Variants in TUSC3 observed in about 807,000 individuals in gnomAD.
TUSC3 encodes dolichyl-diphosphooligosaccharide--protein glycosyltransferase subunit TUSC3.
Under a neutral mutation model 44.8 loss-of-function variants are expected in TUSC3, and 45 were observed. The ratio of observed to expected loss-of-function variants is 1.00; its 90% confidence interval spans 0.79 to 1.29. The LOEUF (loss-of-function observed/expected upper bound fraction) is 1.29. Among genes scored for constraint, TUSC3 ranks in the 50% most tolerant of loss-of-function variants. TUSC3 has a pLI of 0.00. For synonymous variants in TUSC3, 212 were observed against 152.9 expected, an observed-to-expected ratio of 1.39 and a Z score of -2.85; for missense variants, 519 against 437.9, an observed-to-expected ratio of 1.19 and a Z score of -1.65.
intron 2 of TUSC3, among the ~76,000 whole-genome samples, chr8:15,650,173 A>T (rs893673858): frequency 5.3e-5 from 8 of 152,222 alleles, no homozygotes; most frequent in Non-Finnish European, 1.2e-4. Context: ...GCATTTTGAG[A>T]TAAATGGAAT....
At chr8:15,697,393 C>A (rs1183380893) in intron 6 of TUSC3, among the ~76,000 whole-genome samples, 1 of 152,168 alleles carries the variant, frequency 6.6e-6, no homozygotes, top group African/African-American at 2.4e-5. Flanking sequence ...TATGCTCATT[C>A]AGACTTTTTG....
At chr8:15,424,282 G>T (rs965937090) in intron 1 of TUSC3, among the ~76,000 whole-genome samples, 1 of 151,840 alleles carries the variant, frequency 6.6e-6, no homozygotes, top group Admixed American at 6.6e-5. Context: ...CAGAGAAGGT[G>T]GTCCCTGGCT....
chr8:15,495,664 C>G, intron 2 of TUSC3, among the ~76,000 whole-genome samples: 1 of 152,140 alleles, frequency 6.6e-6, no homozygotes, highest in East Asian at 1.9e-4. Context: ...AGTATGGGAG[C>G]CTCCACCAAG....
At chr8:15,431,243 A>C (rs1799868977) in intron 1 of TUSC3, among the ~76,000 whole-genome samples, 2 of 151,492 alleles carry the variant, frequency 1.3e-5, no homozygotes, top group Admixed American at 6.6e-5. Context: ...AGTCATTAGA[A>C]TTTGATAGGG....
At chr8:15,726,259 A>G (rs1810490308) in intron 6 of TUSC3, among the ~76,000 whole-genome samples, 1 of 152,272 alleles carries the variant, frequency 6.6e-6, no homozygotes, top group African/African-American at 2.4e-5. Context: ...ATTGCCATAT[A>G]AGAGGTATAG....
chr8:15,731,174 C>T (rs1385736775), intron 7 of TUSC3, among the ~76,000 whole-genome samples: 12 of 151,976 alleles, frequency 7.9e-5, no homozygotes, highest in Admixed American at 7.9e-4. Context: ...TGGAACATAT[C>T]AGAGTGAGTC....
intron 1 of TUSC3, among the ~76,000 whole-genome samples, chr8:15,549,912 G>A (rs1409730170): frequency 6.6e-6 from 1 of 151,620 alleles, no homozygotes; most frequent in East Asian, 2.0e-4. Flanking sequence ...ATTCAGCTGG[G>A]AGCATCAGCA....
chr8:15,552,909 T>C (rs1341569889), intron 1 of TUSC3, among the ~76,000 whole-genome samples: 1 of 151,660 alleles, frequency 6.6e-6, no homozygotes, highest in Non-Finnish European at 1.5e-5. Context: ...TAATGATGAC[T>C]TGAAATTAGT....
chr8:15,657,560 C>G (rs1346278064), intron 3 of TUSC3, among the ~76,000 whole-genome samples: 1 of 152,178 alleles, frequency 6.6e-6, no homozygotes, highest in Non-Finnish European at 1.5e-5. Flanking sequence ...TACCAGCATT[C>G]TGATCATAAC....
At chr8:15,641,617 ACCT>A (rs1806375033) in intron 2 of TUSC3, among the ~76,000 whole-genome samples, 1 of 152,186 alleles carries the variant, frequency 6.6e-6, no homozygotes. Context: ...CATGTTTTTA[ACCT>A]CATGACAACT....
the TUSC3 span, among the ~76,000 whole-genome samples, chr8:15,832,952 C>G: frequency 3.3e-5 from 5 of 152,076 alleles, no homozygotes; most frequent in Admixed American, 3.3e-4. Context: ...TCTACAAACT[C>G]TCCATTCAAA....
chr8:15,434,936 T>C (rs1799926885), intron 1 of TUSC3, among the ~76,000 whole-genome samples: 3 of 151,138 alleles, frequency 2.0e-5, no homozygotes, highest in South Asian at 4.2e-4. Context: ...AGTCTATCAT[T>C]GTTGAACATT....
chr8:15,690,418 A>C (rs2129189674), intron 6 of TUSC3, among the ~76,000 whole-genome samples: 1 of 151,826 alleles, frequency 6.6e-6, no homozygotes, highest in East Asian at 1.9e-4. Flanking sequence ...TCAAATGTAT[A>C]ATTTGCAGCC....
At chr8:15,692,489 G>C (rs1311170859) in intron 6 of TUSC3, among the ~76,000 whole-genome samples, 1 of 142,720 alleles carries the variant, frequency 7.0e-6, no homozygotes, top group East Asian at 2.2e-4. Context: ...GCTTTTTCTT[G>C]TTGTTAGGCT....
intron 6 of TUSC3, among the ~76,000 whole-genome samples, chr8:15,690,019 G>T (rs546977663): frequency 1.3e-5 from 2 of 151,918 alleles, no homozygotes; most frequent in African/African-American, 4.8e-5. Context: ...ATTTTTTGGG[G>T]TGTATACACA....
the TUSC3 span, among the ~76,000 whole-genome samples, chr8:15,813,385 C>CAAAAAA: frequency 1.4e-4 from 4 of 28,480 alleles, no homozygotes; most frequent in Admixed American, 2.9e-4. Context: ...AACAAACAAA[C>CAAAAAA]AAACAAAAAA....
intron 6 of TUSC3, among the ~76,000 whole-genome samples, chr8:15,690,764 C>A (rs1035949417): frequency 2.6e-5 from 4 of 151,998 alleles, no homozygotes; most frequent in Admixed American, 2.6e-4. Context: ...GGAATCCTTT[C>A]CCCATTGTTT....
intron 2 of TUSC3, among the ~76,000 whole-genome samples, chr8:15,526,010 T>C (rs954537469): frequency 6.6e-5 from 10 of 151,890 alleles, no homozygotes; most frequent in Non-Finnish European, 1.3e-4. Flanking sequence ...TAGGGTGATA[T>C]AAATGTAATT....
chr8:15,523,871 C>T (rs2129129908), intron 2 of TUSC3, among the ~76,000 whole-genome samples: 1 of 151,534 alleles, frequency 6.6e-6, no homozygotes, highest in Middle Eastern at 3.5e-3. Context: ...TCCTCGCCAA[C>T]ATGGTGAAAC....
Sources: gnomAD v4.1 joint callset for allele counts (sites outside exome capture counted in the v4.1 genomes callset) on GRCh38, gnomAD v4.1.1 for gene constraint, MANE v1.5 for transcripts, NCBI Gene and HGNC (gene_info 2026-07-23, HGNC 2026-07-21) for gene names.